The following TMEM233 variants were observed in gnomAD, a reference collection of about 807,000 sequenced individuals.
TMEM233 encodes the protein dispanin subfamily B member 2.
A neutral mutation model predicts 11.2 loss-of-function variants in TMEM233; 6 were observed. The ratio of observed to expected loss-of-function variants is 0.54; its 90% CI spans 0.29 to 1.06. The LOEUF (loss-of-function observed/expected upper bound fraction) is 1.06. TMEM233 is among the 50% of genes least tolerant of loss of function. The pLI, the probability that TMEM233 is intolerant of heterozygous loss-of-function variation, is 0.08. For missense variants in TMEM233, 127 were observed against 144.7 expected (o/e 0.88, Z 0.63); for synonymous variants, 59 against 55.8 (o/e 1.06, Z -0.26).
the TMEM233 span, among the ~76,000 whole-genome samples, chr12:119,652,915 A>G: frequency 6.6e-6 from 1 of 152,206 alleles, no homozygotes; most frequent in Non-Finnish European, 1.5e-5. Context: ...TCCAAGAACT[A>G]GTATGTAGAA....
chr12:119,594,351 A>C lies in TMEM233; in HGVS notation c.186+317A>C. ...GGAAGTTCTTCCGTGGACTTTGCTG[A>C]CTCCTCTGACCTTCCTAGGCACTTG... On this transcript the variant is annotated intron_variant, in intron 1 of 2. Coordinates refer to ENST00000426426, the MANE Select transcript of TMEM233 (RefSeq NM_001136534.3). The surrounding 1 kb of genome is among the most constrained non-coding windows in gnomAD (Gnocchi z 5.6). 1.3e-5 allele frequency: 4 copies of C among 318,222 alleles called. No individual in the cohort carries two copies. The highest frequency in any genetic ancestry group is 4.6e-5 in the Admixed American group (1 of 21,602). The allele number at this position is 318,222 out of a possible 1,614,324, so 19.7% of individuals were successfully genotyped here.
At chr12:119,607,224 GT>G (rs974413071) in intron 1 of TMEM233, among the ~76,000 whole-genome samples, 1 of 152,154 alleles carries the variant, frequency 6.6e-6, no homozygotes, top group African/African-American at 2.4e-5. Context: ...ACCCACCAGG[GT>G]TTTAATCTTG....
Position 119,594,166 on chromosome 12 carries a change from C to T in TMEM233, c.186+132C>T. On this transcript the variant is annotated intron_variant, in intron 1 of 2. Coordinates refer to ENST00000426426, the MANE Select transcript of TMEM233 (RefSeq NM_001136534.3). The surrounding 1 kb of genome is among the most constrained non-coding windows in gnomAD (Gnocchi z 5.6). Reference sequence around the variant, plus strand: ...GCCCGCGCTAGGTGTTCTTTGTCCTCGCACCTCCTCCTCACCTTTCTCGGG... The same window carrying T: ...GCCCGCGCTAGGTGTTCTTTGTCCTTGCACCTCCTCCTCACCTTTCTCGGG... 1.2e-6 allele frequency: 1 copy of T among 854,570 alleles called. No individual in the cohort carries two copies. The highest frequency in any genetic ancestry group is 1.7e-5 in the South Asian group (1 of 57,306). 52.9% of individuals were successfully genotyped at this position (854,570 alleles called of 1,614,324 possible).
intron 2 of TMEM233, among the ~76,000 whole-genome samples, chr12:119,634,591 C>A (rs1281707808): frequency 6.6e-6 from 1 of 151,770 alleles, no homozygotes; most frequent in African/African-American, 2.4e-5. Flanking sequence ...GCAGCCTAAG[C>A]AACAGAGTGA....
chr12:119,617,005 AG>A (rs1243998101), intron 1 of TMEM233, among the ~76,000 whole-genome samples: 5 of 152,242 alleles, frequency 3.3e-5, no homozygotes, highest in Non-Finnish European at 7.3e-5. Flanking sequence ...ACCCGGTCTC[AG>A]GTATGTCTTT....
intron 2 of TMEM233, chr12:119,631,416 A>G (rs1170215485): frequency 2.8e-6 from 2 of 710,524 alleles, no homozygotes; most frequent in East Asian, 2.7e-4. Flanking sequence ...AGGAACAACC[A>G]GTGGCAGCTG....
At chr12:119,624,060 T>C (rs1329982831) in intron 1 of TMEM233, among the ~76,000 whole-genome samples, 1 of 152,018 alleles carries the variant, frequency 6.6e-6, no homozygotes, top group East Asian at 1.9e-4. Context: ...TTAAAAATTA[T>C]AATAATAGGC....
intron 1 of TMEM233, among the ~76,000 whole-genome samples, chr12:119,620,521 G>A (rs1483806246): frequency 6.6e-6 from 1 of 152,180 alleles, no homozygotes; most frequent in African/African-American, 2.4e-5. Context: ...AATGTCTATA[G>A]TTATAGGTGA....
chr12:119,609,834 G>A (rs2157806), intron 1 of TMEM233, among the ~76,000 whole-genome samples: 57,612 of 152,116 alleles, frequency 0.38, 12,475 homozygotes, highest in East Asian at 0.56. Context: ...TCCTCATGAA[G>A]AACCTCTGCT....
At chr12:119,647,654 G>A (rs925821949), downstream of TMEM233, among the ~76,000 whole-genome samples, 24 of 152,030 alleles carry the variant, frequency 1.6e-4, no homozygotes, top group African/African-American at 3.9e-4. Flanking sequence ...TGTGCAGAAC[G>A]TGGAGGTTTG....
Position 119,598,926 on chromosome 12 carries a change from A to T in TMEM233, c.186+4892A>T, listed in dbSNP as rs146612685. Among the ~76,000 whole-genome samples the T allele has an allele frequency of 1.8e-3, 269 of 152,318 alleles. 2 individuals carry two copies. The highest frequency in any genetic ancestry group is 6.3e-3 in the African/African-American group (260 of 41,572). ...TAGAATTCAATAAGTATTGATGTTG[A>T]TGATGGTGATGTAGATGATGGAAGA... is the stretch of plus-strand genomic sequence containing the variant. On this transcript the variant is annotated intron_variant, in intron 1 of 2. Coordinates refer to ENST00000426426, the MANE Select transcript of TMEM233 (RefSeq NM_001136534.3).
intron 1 of TMEM233, among the ~76,000 whole-genome samples, chr12:119,616,383 G>A (rs1467059414): frequency 1.3e-5 from 2 of 152,210 alleles, no homozygotes; most frequent in Non-Finnish European, 2.9e-5. Flanking sequence ...ATTAAAACCA[G>A]AAAGAAACTG....
At chr12:119,611,422 T>C (rs191118468) in intron 1 of TMEM233, among the ~76,000 whole-genome samples, 34 of 152,324 alleles carry the variant, frequency 2.2e-4, no homozygotes, top group Non-Finnish European at 4.7e-4. Context: ...CCCCATTGAC[T>C]AATGATGTTG....
chr12:119,613,083 T>C (rs980970406), intron 1 of TMEM233, among the ~76,000 whole-genome samples: 1 of 152,054 alleles, frequency 6.6e-6, no homozygotes, highest in Non-Finnish European at 1.5e-5. Context: ...TTACATTAGG[T>C]ATTTCTCCTA....
At chr12:119,640,668 T>TTC (rs771463843) in intron 2 of TMEM233, 31 bp from the exon 3 acceptor site, 36 of 1,500,250 alleles carry the variant, frequency 2.4e-5, no homozygotes, top group African/African-American at 8.4e-5. Context: ...CCCACGGTCT[T>TTC]TCTCTCTCTC....
intron 1 of TMEM233, among the ~76,000 whole-genome samples, chr12:119,616,222 G>A (rs1449598413): frequency 6.6e-6 from 1 of 152,194 alleles, no homozygotes; most frequent in East Asian, 1.9e-4. Flanking sequence ...CCAGAGCAAA[G>A]AGAAGAGTCA....
chr12:119,616,236 C>T (rs1954529439), intron 1 of TMEM233, among the ~76,000 whole-genome samples: 1 of 152,196 alleles, frequency 6.6e-6, no homozygotes, highest in African/African-American at 2.4e-5. Flanking sequence ...AGAGTCACTG[C>T]AGGAGACTCC....
At chr12:119,596,200 T>C (rs561422237) in intron 1 of TMEM233, among the ~76,000 whole-genome samples, 1 of 152,174 alleles carries the variant, frequency 6.6e-6, no homozygotes, top group Non-Finnish European at 1.5e-5. Context: ...CAGCAGACTG[T>C]CTGGCTGGCA....
At chr12:119,634,437 G>A (rs1313957095) in intron 2 of TMEM233, 1 of 181,440 alleles carries the variant, frequency 5.5e-6, no homozygotes, top group African/African-American at 2.4e-5. Context: ...GCAAGACCCT[G>A]TTGCTCCAAA....
Sources: allele counts gnomAD v4.1 joint callset (sites outside exome capture counted in the v4.1 genomes callset), GRCh38; gene constraint gnomAD v4.1.1; non-coding constraint Gnocchi (gnomAD v3.1); transcripts MANE v1.5; gene names NCBI Gene and HGNC (gene_info 2026-07-23, HGNC 2026-07-21).